Variants in UBE3B observed in about 807,000 individuals in gnomAD.
UBE3B encodes ubiquitin protein ligase E3B, also known as ubiquitin-protein ligase E3B.
UBE3B carries 80 observed loss-of-function variants against 132.3 expected under a neutral mutation model. The ratio of observed to expected loss-of-function variants is 0.60; its 90% CI spans 0.50 to 0.73. UBE3B has a LOEUF of 0.73. UBE3B is among the 30% of genes least tolerant of loss of function. The pLI, the probability that UBE3B is intolerant of heterozygous loss-of-function variation, is 0.00. For missense variants in UBE3B, 1,196 were observed against 1,362.5 expected, an observed-to-expected ratio of 0.88 and a Z score of 1.92; for synonymous variants, 487 against 520.4, an observed-to-expected ratio of 0.94 and a Z score of 0.87.
chr12:109,489,423 G>A (rs1679836690), intron 7 of UBE3B, among the ~76,000 whole-genome samples: 1 of 152,182 alleles, frequency 6.6e-6, no homozygotes, highest in South Asian at 2.1e-4. Context: ...GATTCACAGA[G>A]TGAAGAGCGG....
the UBE3B span, among the ~76,000 whole-genome samples, chr12:109,544,214 G>C: frequency 6.6e-6 from 1 of 152,236 alleles, no homozygotes; most frequent in South Asian, 2.1e-4. Flanking sequence ...GGGACACACG[G>C]CCTTACGTGG....
At chr12:109,529,016 C>CTT (rs1179860572) in intron 24 of UBE3B, among the ~76,000 whole-genome samples, 2 of 151,984 alleles carry the variant, frequency 1.3e-5, no homozygotes, top group African/African-American at 4.8e-5. Flanking sequence ...AAAAAATTAA[C>CTT]TGGGTGTGGT....
chr12:109,524,914 C>A (rs1168987097), intron 23 of UBE3B, among the ~76,000 whole-genome samples: 1 of 151,868 alleles, frequency 6.6e-6, no homozygotes, highest in Non-Finnish European at 1.5e-5. Context: ...GAGCAGGGAG[C>A]AGAGACCCTG....
In UBE3B at chr12:109,486,072, G is replaced by T; in HGVS notation, c.342+1G>T. On this transcript the variant is annotated splice_donor_variant, in intron 5 of 27. Transcript: ENST00000342494. LOFTEE classifies it high-confidence loss of function. ...CATGGATGCTGAGAATGAGCCTAAG[G>T]TAAGTGGACGGGAGCCGCAGTGTCT... The T allele has an allele frequency of 6.4e-7, 1 of 1,557,318 alleles. No homozygotes were observed. Among genetic ancestry groups the T allele is most frequent in the Non-Finnish European group, 8.7e-7 (1 of 1,150,142 alleles).
intron 22 of UBE3B, 138 bp downstream of exon 22, chr12:109,524,253 C>T (rs1592960751): frequency 7.3e-7 from 1 of 1,378,108 alleles, no homozygotes; most frequent in Non-Finnish European, 1.0e-6. Context: ...CCCCTGTGGG[C>T]AGTCCCACTT....
chr12:109,502,990 T>G (rs752287117), intron 13 of UBE3B, 33 bp from the exon 14 acceptor site: 1 of 1,613,688 alleles, frequency 6.2e-7, no homozygotes, highest in Admixed American at 1.7e-5. Context: ...CTGGCTGAGC[T>G]GCTGCTCACA....
chr12:109,488,637 C>T lies in UBE3B; in HGVS notation c.513C>T (p.Asp171=). The change falls in exon 7 of 28, where the codon GAC becomes GAT. Residue 171 remains aspartate, a synonymous_variant. Transcript: ENST00000342494. ...LYLTMLVTFT[D]TSTWKILRGK... ...TCACGATGCTTGTCACCTTCACAGA[C>T]ACTTCAACGTGGAAAATTCTTCGGG... is the stretch of plus-strand genomic sequence containing the variant. 3.1e-6 allele frequency: 5 copies of T among 1,614,188 alleles called. No homozygotes were observed. The highest frequency in any genetic ancestry group is 4.2e-6 in the Non-Finnish European group (5 of 1,180,002).
chr12:109,498,051 G>C, intron 10 of UBE3B, 128 bp downstream of exon 10: 2 of 1,294,910 alleles, frequency 1.5e-6, no homozygotes, highest in Non-Finnish European at 2.2e-6. Flanking sequence ...TGGGACCAGT[G>C]GCCGTGATAG....
In UBE3B at chr12:109,486,175, C is replaced by T. The variant is rs565947190; in HGVS notation, c.342+104C>T. 7.2e-5 allele frequency: 87 copies of T among 1,213,422 alleles called. 2 individuals carry two copies. In the South Asian group the frequency reaches 1.2e-3, roughly 17 times the overall value. The allele number at this position is 1,213,422 out of a possible 1,614,324, so 75.2% of individuals were successfully genotyped here. The stretch of plus-strand genomic sequence containing the variant: ...ATTAGGACCAATTCACACACAAATG[C>T]AAATAAGTAGTGGATGGAAAACATT... On this transcript the variant is annotated intron_variant, in intron 5 of 27. Transcript: ENST00000342494.
chr12:109,527,494 G>A (rs553858652), intron 24 of UBE3B, among the ~76,000 whole-genome samples: 66 of 152,318 alleles, frequency 4.3e-4, no homozygotes, highest in African/African-American at 1.4e-3. Context: ...GATGCACGTC[G>A]CAGTCCAGTG....
At chr12:109,487,073 T>C (rs1385161600) in intron 6 of UBE3B, among the ~76,000 whole-genome samples, 1 of 150,836 alleles carries the variant, frequency 6.6e-6, no homozygotes, top group East Asian at 2.0e-4. Context: ...CCTTTCCTGC[T>C]GTAATCATGG....
chr12:109,491,119 A>G lies in UBE3B; in HGVS notation c.705A>G (p.Leu235=), dbSNP rs766695635. Residue 235 remains leucine (L), a synonymous_variant, in exon 9 of 28, where the codon CTA becomes CTG. Coordinates refer to ENST00000342494, the MANE Select transcript of UBE3B (RefSeq NM_130466.4). ...SKGTLTAAFS[L]ALRPVIAAQF... ...GCACTTTAACAGCAGCTTTTTCTCT[A>G]GCGTTACGGTGAGTAAGAAACCATA... 52 of 1,613,812 alleles carry G rather than the reference A, an allele frequency of 3.2e-5. 5 individuals are homozygous for G. The South Asian group carries it at 5.3e-4, about 16-fold the overall frequency.
At chr12:109,507,878 A>G (rs1879886242) in intron 15 of UBE3B, 143 bp downstream of exon 15, 6 of 990,974 alleles carry the variant, frequency 6.1e-6, no homozygotes, top group Non-Finnish European at 8.9e-6. Flanking sequence ...CTAGCCATTT[A>G]CCAAGTGAGC....
Position 109,503,188 on chromosome 12 carries a change from C to T in UBE3B, c.1448C>T (p.Thr483Ile). 6.2e-7 allele frequency: 1 copy of T among 1,613,998 alleles called. No homozygotes were observed. The highest frequency in any genetic ancestry group is 1.3e-5 in the African/African-American group (1 of 75,068). ...ACACAGATTCGGCTGCAGATACTCA[C>T]AGGTTCGCAGTCCCCAGGGCATCTT... ...TLTQIRLQILTGLTYLDDLLP... is the reference protein window; with the variant it reads ...TLTQIRLQILIGLTYLDDLLP... The change falls in exon 14 of 28, where the codon ACA becomes ATA. Residue 483 changes from threonine (T) to isoleucine (I), a missense_variant and splice_region_variant. Physicochemically the swap from Thr to Ile is moderately conservative, Grantham distance 89 (BLOSUM62 -1). Coordinates refer to ENST00000342494, the MANE Select transcript of UBE3B (RefSeq NM_130466.4).
chr12:109,523,601 C>T (rs1881962345), intron 21 of UBE3B, among the ~76,000 whole-genome samples: 1 of 152,240 alleles, frequency 6.6e-6, no homozygotes, highest in Non-Finnish European at 1.5e-5. Flanking sequence ...TGGCCCCTGC[C>T]AATGCCATGG....
downstream of UBE3B, among the ~76,000 whole-genome samples, chr12:109,541,620 G>A (rs1050157408): frequency 2.6e-5 from 4 of 152,148 alleles, no homozygotes; most frequent in Non-Finnish European, 4.4e-5. Flanking sequence ...CTCCTATATT[G>A]GTTTCCCATG....
chr12:109,539,692 T>C (rs370493351), downstream of UBE3B, among the ~76,000 whole-genome samples: 4 of 152,290 alleles, frequency 2.6e-5, no homozygotes, highest in South Asian at 6.2e-4. Context: ...CGAATTGACA[T>C]TCCTTCTGGA....
intron 15 of UBE3B, chr12:109,509,129 A>C (rs1250973477): frequency 6.6e-6 from 1 of 152,366 alleles, no homozygotes; most frequent in Non-Finnish European, 1.5e-5. Context: ...ATGAACCCTC[A>C]TGTGCCCATT....
At chr12:109,523,183 C>G (rs970706323) in intron 21 of UBE3B, among the ~76,000 whole-genome samples, 2 of 152,252 alleles carry the variant, frequency 1.3e-5, no homozygotes, top group Non-Finnish European at 2.9e-5. Context: ...TGACTGTCCC[C>G]TCTCAGCCTC....
Sources: gnomAD v4.1 joint callset for allele counts (sites outside exome capture counted in the v4.1 genomes callset) on GRCh38, gnomAD v4.1.1 for gene constraint, MANE v1.5 for transcripts, NCBI Gene and HGNC (gene_info 2026-07-23, HGNC 2026-07-21) for gene names.